The following DROSHA variants were observed in gnomAD, a reference collection of about 807,000 sequenced individuals.
DROSHA encodes the protein ribonuclease 3.
In DROSHA, 56 loss-of-function variants were observed where a neutral mutation model predicts 181.9. The observed-to-expected ratio is 0.31, with a 90% CI of 0.25 to 0.38. DROSHA has a LOEUF of 0.38. DROSHA is among the 10% of genes least tolerant of loss of function. DROSHA has a pLI of 1.00. For synonymous variants in DROSHA, 524 were observed against 591.2 expected, an observed-to-expected ratio of 0.89 and a Z score of 1.65; for missense variants, 1,218 against 1,743.5, an observed-to-expected ratio of 0.70 and a Z score of 5.37.
intron 20 of DROSHA, among the ~76,000 whole-genome samples, chr5:31,460,565 A>C (rs1748290335): frequency 6.6e-6 from 1 of 152,212 alleles, no homozygotes. Context: ...ACTAAAAAAC[A>C]GTAGGTTCTA....
At chr5:31,467,205 T>C (rs1749148876) in intron 18 of DROSHA, 1 of 151,852 alleles carries the variant, frequency 6.6e-6, no homozygotes, top group South Asian at 2.1e-4. Context: ...CAAAACCCTT[T>C]AGCCTCTTCT....
At chr5:31,405,614 T>C in intron 35 of DROSHA, 63 bp downstream of exon 35, 1 of 1,419,136 alleles carries the variant, frequency 7.0e-7, no homozygotes, top group African/African-American at 1.5e-5. Context: ...TCCTTCCTCA[T>C]TTCCTTTCCA....
intron 23 of DROSHA, among the ~76,000 whole-genome samples, chr5:31,440,354 T>C (rs553637240): frequency 1.3e-3 from 204 of 152,378 alleles, no homozygotes; most frequent in African/African-American, 4.7e-3. Context: ...ATATTTAAAG[T>C]ATCCCTATAG....
At chr5:31,443,620 T>G (rs1745916600) in intron 23 of DROSHA, among the ~76,000 whole-genome samples, 1 of 152,200 alleles carries the variant, frequency 6.6e-6, no homozygotes, top group Non-Finnish European at 1.5e-5. Flanking sequence ...TTGCTTGAGA[T>G]AACAGCATCA....
rs1039319591 is a variant in DROSHA at position 31,423,874 on chromosome 5, C to G, written c.3261+553G>C. The stretch of plus-strand genomic sequence containing the variant: ...AACCATCTGGGGAAATAGGTGCCAC[C>G]ACCATATGTAGAGCTTTTAAATTCC... On this transcript the variant is annotated intron_variant, in intron 28 of 35. Coordinates refer to ENST00000344624, the MANE Select transcript of DROSHA (RefSeq NM_001382508.1). Among the ~76,000 whole-genome samples the G allele has an allele frequency of 2.6e-5, 4 of 152,072 alleles. No individual in the cohort carries two copies. In the South Asian group the frequency reaches 8.3e-4, roughly 32 times the overall value.
intron 18 of DROSHA, chr5:31,467,431 T>C (rs1366517770): frequency 6.6e-6 from 1 of 152,150 alleles, no homozygotes; most frequent in Non-Finnish European, 1.5e-5. Flanking sequence ...AACATGCCAG[T>C]TGGAAAAATC....
intron 22 of DROSHA, among the ~76,000 whole-genome samples, 159 bp downstream of exon 22, chr5:31,449,122 G>A (rs577870084): frequency 1.1e-4 from 16 of 149,466 alleles, no homozygotes; most frequent in African/African-American, 3.7e-4. Context: ...GTGACAGAGT[G>A]AGACCCTGTC....
intron 18 of DROSHA, chr5:31,467,569 G>A (rs1229861465): frequency 6.6e-6 from 1 of 152,054 alleles, no homozygotes; most frequent in Admixed American, 6.6e-5. Flanking sequence ...GCATAAATTC[G>A]GCAGTGCTAG....
Position 31,515,474 on chromosome 5 carries a change from T to C in DROSHA, c.1038A>G (p.Pro346=), listed in dbSNP as rs1561283752. ...EIIKNTDSWA[P]PLEIVNHRSP... is the part of the protein sequence containing the mutation. ...CTTACTGATTCACAATCTCCAGGGGTGGGGCCCAAGAATCTGTATTTTTAA... is the reference window on the plus strand; with the variant it reads ...CTTACTGATTCACAATCTCCAGGGGCGGGGCCCAAGAATCTGTATTTTTAA... The change falls in exon 7 of 36, where the codon CCA becomes CCG. Residue 346 remains proline, a synonymous_variant. Coordinates refer to ENST00000344624, the MANE Select transcript of DROSHA (RefSeq NM_001382508.1). 2 of 1,409,878 alleles carry C rather than the reference T, an allele frequency of 1.4e-6. No homozygotes were observed. The highest frequency in any genetic ancestry group is 5.0e-5 in the East Asian group (2 of 40,334). 87.3% of individuals were successfully genotyped at this position (1,409,878 alleles called of 1,614,324 possible).
intron 20 of DROSHA, among the ~76,000 whole-genome samples, chr5:31,458,077 G>GT (rs1267936925): frequency 6.6e-6 from 1 of 152,124 alleles, no homozygotes; most frequent in Non-Finnish European, 1.5e-5. Context: ...ACTTACAATG[G>GT]TAAGACTTAC....
intron 20 of DROSHA, among the ~76,000 whole-genome samples, chr5:31,461,760 AAGGTT>A (rs900752384): frequency 1.7e-4 from 19 of 111,914 alleles, no homozygotes; most frequent in East Asian, 8.0e-4. Context: ...ACCTTACTGT[AAGGTT>A]TTTTTTTTTT....
chr5:31,494,926 G>A (rs551128951), intron 12 of DROSHA, among the ~76,000 whole-genome samples: 3 of 152,150 alleles, frequency 2.0e-5, no homozygotes, highest in Admixed American at 1.3e-4. Context: ...TGCCCACCTC[G>A]GCCTCCCAAA....
rs1458049183 is a variant in DROSHA, at chr5:31,515,577, G to T, written c.948-13C>A. ...TAAACCGTAACTCCTAAAAGAAAAA[G>T]ATATTTGCAAAATGTTTGGAAATGT... On this transcript the variant is annotated splice_polypyrimidine_tract_variant and intron_variant, in intron 6 of 35. Transcript: ENST00000344624. 7.7e-6 allele frequency: 12 copies of T among 1,551,182 alleles called. No individual in the cohort carries two copies. The East Asian group carries it at 2.9e-4, about 38-fold the overall frequency.
intron 9 of DROSHA, among the ~76,000 whole-genome samples, 179 bp from the exon 10 acceptor site, chr5:31,508,954 C>A (rs1738340915): frequency 6.6e-6 from 1 of 151,976 alleles, no homozygotes; most frequent in South Asian, 2.1e-4. Flanking sequence ...TCCCGAGTAG[C>A]TGGGATTACA....
intron 30 of DROSHA, among the ~76,000 whole-genome samples, chr5:31,416,280 C>T (rs900979660): frequency 2.0e-5 from 3 of 152,126 alleles, no homozygotes; most frequent in Non-Finnish European, 4.4e-5. Context: ...GTAAGCCTTC[C>T]GCTTCTTCCC....
At position 31,486,599 on chromosome 5, in the gene DROSHA, T is replaced by C. The variant is rs775428723; in HGVS notation, c.1843-37A>G. ...AGAAGTGAGGTTCAGTTCCCCAACG[T>C]CTCCCTGCAGGCTCATATTATACAC... On this transcript the variant is annotated intron_variant, in intron 13 of 35. Transcript: ENST00000344624. The C allele has an allele frequency of 3.1e-6, 5 of 1,588,940 alleles. No individual in the cohort carries two copies. The East Asian group carries it at 1.1e-4, about 36-fold the overall frequency.
At chr5:31,531,695 GC>G (rs1440364074) in intron 1 of DROSHA, among the ~76,000 whole-genome samples, 170 bp from the exon 2 acceptor site, 1 of 152,170 alleles carries the variant, frequency 6.6e-6, no homozygotes. Context: ...CAGACGGTAC[GC>G]CCCACGAGGC....
intron 29 of DROSHA, 22 bp downstream of exon 29, chr5:31,422,765 T>C: frequency 6.2e-7 from 1 of 1,613,386 alleles, no homozygotes; most frequent in Non-Finnish European, 8.5e-7. Flanking sequence ...ACATTGGGAC[T>C]ACATGAGAAC....
At chr5:31,476,822 A>C (rs554388274) in intron 16 of DROSHA, among the ~76,000 whole-genome samples, 32 of 152,284 alleles carry the variant, frequency 2.1e-4, no homozygotes, top group African/African-American at 6.5e-4. Context: ...GACACTCCAT[A>C]AACATTTGTG....
Sources: gnomAD v4.1 joint callset for allele counts (sites outside exome capture counted in the v4.1 genomes callset) on GRCh38, gnomAD v4.1.1 for gene constraint, MANE v1.5 for transcripts, NCBI Gene and HGNC (gene_info 2026-07-23, HGNC 2026-07-21) for gene names.